RALA: variants seen among roughly 807,000 people sequenced by gnomAD.
RALA encodes the protein ras-related protein Ral-A.
Under a neutral mutation model 24.0 loss-of-function variants are expected in RALA, and 5 were observed. That is an observed-to-expected ratio of 0.21 (90% confidence interval 0.11 to 0.44). RALA has a LOEUF of 0.44. Ranked by LOEUF, RALA falls within the 20% of genes least tolerant of loss-of-function variation. RALA has a pLI of 0.99. For synonymous variants in RALA, 77 were observed against 83.8 expected (o/e 0.92, Z 0.44); for missense variants, 95 against 241.2 (o/e 0.39, Z 4.01).
chr7:39,676,232 C>T (rs992295253), intron 1 of RALA, among the ~76,000 whole-genome samples: 4 of 152,180 alleles, frequency 2.6e-5, no homozygotes, highest in Non-Finnish European at 5.9e-5. Context: ...GCCTCGGCCT[C>T]CCAAAGTGCT....
At chr7:39,629,716 C>T (rs1245871745) in intron 1 of RALA, among the ~76,000 whole-genome samples, 1 of 152,260 alleles carries the variant, frequency 6.6e-6, no homozygotes, top group African/African-American at 2.4e-5. Flanking sequence ...CTGCCTCAGC[C>T]TCCCGAGTAG....
At chr7:39,624,659 G>T (rs899708056) in intron 1 of RALA, among the ~76,000 whole-genome samples, 2 of 152,128 alleles carry the variant, frequency 1.3e-5, no homozygotes, top group Admixed American at 6.5e-5. Context: ...TGAATGTCCA[G>T]ACTTGTAAGA....
chr7:39,674,344 TA>T (rs573755672), intron 1 of RALA, among the ~76,000 whole-genome samples: 8 of 152,246 alleles, frequency 5.3e-5, no homozygotes, highest in Non-Finnish European at 1.2e-4. Flanking sequence ...CTAGAACCTG[TA>T]GAGATACTCA....
chr7:39,638,811 A>G (rs1369294926), intron 1 of RALA, among the ~76,000 whole-genome samples: 2 of 152,226 alleles, frequency 1.3e-5, no homozygotes, highest in South Asian at 2.1e-4. Context: ...GTTGTTGTGA[A>G]TAATCCTGCT....
At chr7:39,682,645 C>CT (rs1259691046) in intron 1 of RALA, among the ~76,000 whole-genome samples, 7 of 151,728 alleles carry the variant, frequency 4.6e-5, no homozygotes, top group African/African-American at 4.8e-5. Flanking sequence ...TGTGTTGGCA[C>CT]TTTTTTTTTC....
chr7:39,690,480 G>T lies in RALA; in HGVS notation c.213G>T (p.Gly71=), dbSNP rs747589315. ...AGATCGATATCTTAGATACAGCTGGGCAGGAGGACTACGCTGCAATTAGAG... is the reference window on the plus strand; with the variant it reads ...AGATCGATATCTTAGATACAGCTGGTCAGGAGGACTACGCTGCAATTAGAG... ...EVQIDILDTA[G]QEDYAAIRDN... The change falls in exon 3 of 5, where the codon GGG becomes GGT. Residue 71 remains glycine, a synonymous_variant. Coordinates refer to ENST00000005257, the MANE Select transcript of RALA (RefSeq NM_005402.4). 6.2e-7 allele frequency: 1 copy of T among 1,613,988 alleles called. No individual in the cohort carries two copies. Among genetic ancestry groups the T allele is most frequent in the South Asian group, 1.1e-5 (1 of 91,078 alleles).
intron 3 of RALA, among the ~76,000 whole-genome samples, chr7:39,694,616 T>C (rs1792884861): frequency 6.6e-6 from 1 of 152,196 alleles, no homozygotes. Flanking sequence ...GTTTGGCACA[T>C]TGTGAGCGCT....
intron 3 of RALA, among the ~76,000 whole-genome samples, chr7:39,694,289 C>G (rs1792879334): frequency 6.6e-6 from 1 of 152,104 alleles, no homozygotes; most frequent in Non-Finnish European, 1.5e-5. Flanking sequence ...AAAGTGACAT[C>G]CAAATTTATA....
intron 1 of RALA, among the ~76,000 whole-genome samples, chr7:39,633,156 C>T (rs1791625244): frequency 6.6e-6 from 1 of 152,140 alleles, no homozygotes; most frequent in Non-Finnish European, 1.5e-5. Context: ...ATGAGCAAGG[C>T]TTGTTTTGTA....
chr7:39,647,200 GC>G (rs1299793850), intron 1 of RALA, among the ~76,000 whole-genome samples: 1 of 152,092 alleles, frequency 6.6e-6, no homozygotes, highest in Admixed American at 6.5e-5. Flanking sequence ...GTGCCAGCAT[GC>G]CCAGCTGATT....
intron 4 of RALA, among the ~76,000 whole-genome samples, chr7:39,698,245 TCA>T (rs1309072761): frequency 6.6e-6 from 1 of 152,152 alleles, no homozygotes; most frequent in Admixed American, 6.5e-5. Flanking sequence ...CTTATTGCCA[TCA>T]CATAAGGAAT....
chr7:39,666,024 C>T (rs1194067413), intron 1 of RALA, among the ~76,000 whole-genome samples: 4 of 152,078 alleles, frequency 2.6e-5, no homozygotes, highest in Non-Finnish European at 5.9e-5. Flanking sequence ...ACAGAATAAG[C>T]ACTCAATAAA....
At chr7:39,668,154 TGA>T (rs1408368099) in intron 1 of RALA, among the ~76,000 whole-genome samples, 1 of 152,122 alleles carries the variant, frequency 6.6e-6, no homozygotes, top group Non-Finnish European at 1.5e-5. Flanking sequence ...GAAATAACAA[TGA>T]GATATTTTTC....
intron 3 of RALA, among the ~76,000 whole-genome samples, chr7:39,691,811 G>A (rs1436240329): frequency 6.6e-6 from 1 of 152,188 alleles, no homozygotes; most frequent in African/African-American, 2.4e-5. Flanking sequence ...GCTTGTAATT[G>A]TGGGAGACAT....
chr7:39,651,718 ATT>A (rs1427931249), intron 1 of RALA, among the ~76,000 whole-genome samples: 1 of 151,948 alleles, frequency 6.6e-6, no homozygotes, highest in East Asian at 1.9e-4. Flanking sequence ...TTGCTATCTA[ATT>A]TTTTCATGTT....
rs1793131082 is a variant in RALA, at chr7:39,706,986, T to C, written c.*741T>C. On this transcript the variant is annotated 3_prime_UTR_variant, in exon 5 of 5. Coordinates refer to ENST00000005257, the MANE Select transcript of RALA (RefSeq NM_005402.4). ...ATAGAAAATTCTTGAGAAGTAACTGTCCGCTAGAAGTCTGTCCAAATTTAA... is the reference window on the plus strand; with the variant it reads ...ATAGAAAATTCTTGAGAAGTAACTGCCCGCTAGAAGTCTGTCCAAATTTAA... 1 of 152,642 alleles carries C rather than the reference T, an allele frequency of 6.6e-6. No individual in the cohort carries two copies. The highest frequency in any genetic ancestry group is 6.5e-5 in the Admixed American group (1 of 15,292). 9.5% of individuals were successfully genotyped at this position (152,642 alleles called of 1,614,324 possible).
intron 1 of RALA, among the ~76,000 whole-genome samples, chr7:39,673,023 AC>A (rs1427252043): frequency 6.6e-6 from 1 of 152,184 alleles, no homozygotes; most frequent in Non-Finnish European, 1.5e-5. Flanking sequence ...CACTTTCTCT[AC>A]TAAAAATACA....
At chr7:39,699,113 A>T (rs1452176118) in intron 4 of RALA, among the ~76,000 whole-genome samples, 2 of 148,206 alleles carry the variant, frequency 1.3e-5, no homozygotes, top group Non-Finnish European at 1.5e-5. Flanking sequence ...TTAAGTGCTA[A>T]AAATGTTATT....
chr7:39,686,205 CAA>C (rs35214885), intron 1 of RALA, among the ~76,000 whole-genome samples: 10 of 93,082 alleles, frequency 1.1e-4, no homozygotes, highest in Non-Finnish European at 1.0e-4. Flanking sequence ...GACTCCGTCT[CAA>C]AAAAAAAAAA....
Sources: allele counts gnomAD v4.1 joint callset (sites outside exome capture counted in the v4.1 genomes callset), GRCh38; gene constraint gnomAD v4.1.1; transcripts MANE v1.5; gene names NCBI Gene and HGNC (gene_info 2026-07-23, HGNC 2026-07-21).